COL15A1: variants seen among roughly 807,000 people sequenced by gnomAD.
The protein encoded by COL15A1 is collagen type XV alpha 1 chain.
A neutral mutation model predicts 165.9 loss-of-function variants in COL15A1; 111 were observed. The observed-to-expected ratio is 0.67, with a 90% CI of 0.57 to 0.78. COL15A1 has a LOEUF of 0.78. Ranked by LOEUF, COL15A1 falls within the 30% of genes least tolerant of loss-of-function variation. COL15A1 has a pLI of 0.00. For synonymous variants in COL15A1, 659 were observed against 674.8 expected (o/e 0.98, Z 0.36); for missense variants, 1,745 against 1,789.7 (o/e 0.98, Z 0.45).
chr9:98,996,587 TA>T (rs1052045133), intron 5 of COL15A1, among the ~76,000 whole-genome samples: 1 of 152,260 alleles, frequency 6.6e-6, no homozygotes, highest in Non-Finnish European at 1.5e-5. Context: ...ATTTGTTCAC[TA>T]ATTCATTCAA....
intron 7 of COL15A1, among the ~76,000 whole-genome samples, chr9:99,001,439 A>G (rs1588509591): frequency 6.6e-6 from 1 of 152,188 alleles, no homozygotes; most frequent in East Asian, 1.9e-4. Context: ...GAAAACCCAC[A>G]ACGCCAGCTC....
intron 9 of COL15A1, among the ~76,000 whole-genome samples, chr9:99,013,294 C>G (rs1838875533): frequency 6.6e-6 from 1 of 152,088 alleles, no homozygotes; most frequent in Non-Finnish European, 1.5e-5. Flanking sequence ...GGGGGGTCAA[C>G]CCCCCAAGAC....
At chr9:98,949,696 A>C (rs1306581356) in intron 2 of COL15A1, among the ~76,000 whole-genome samples, 1 of 152,236 alleles carries the variant, frequency 6.6e-6, no homozygotes, top group African/African-American at 2.4e-5. Flanking sequence ...TGAAATTTAC[A>C]TTATATAACA....
At position 99,067,051 on chromosome 9, in the gene COL15A1, C is replaced by A. The variant is rs1402049229; in HGVS notation, c.3821C>A (p.Pro1274His). The A allele has an allele frequency of 6.2e-7, 1 of 1,613,328 alleles. No individual in the cohort carries two copies. The highest frequency in any genetic ancestry group is 1.7e-5 in the Admixed American group (1 of 59,880). Residue 1274 changes from proline to histidine, a missense_variant, in exon 40 of 42, where the codon CCC becomes CAC. By Grantham distance (77) the Pro-to-His change is moderately conservative. Coordinates refer to ENST00000375001, the MANE Select transcript of COL15A1 (RefSeq NM_001855.5). ...AGGAAAGCAGAGAGATACAGCCTTCCCATAGTGAACCTCAAGGTAAAAATA... is the reference window on the plus strand; with the variant it reads ...AGGAAAGCAGAGAGATACAGCCTTCACATAGTGAACCTCAAGGTAAAAATA... ...IVRKAERYSL[P>H]IVNLKGQVLF...
intron 6 of COL15A1, among the ~76,000 whole-genome samples, chr9:99,000,147 G>A (rs1019963187): frequency 1.3e-5 from 2 of 152,104 alleles, no homozygotes; most frequent in South Asian, 2.1e-4. Context: ...CTGGGATTCC[G>A]GGCTGCTTTT....
rs1338361138 is a variant in COL15A1, at chr9:99,054,639, G to A, written c.3014G>A (p.Gly1005Glu). ...TCAAAGGGAGAAAAAGGCGACCAGG[G>A]AGCCCAGGGACCACCAGGTATTCCA... The part of the protein sequence containing the change: ...PGSKGEKGDQ[G>E]AQGPPGPPLD... The change falls in exon 32 of 42, where the codon GGA becomes GAA. Residue 1005 changes from glycine to glutamate, a missense_variant. Coordinates refer to ENST00000375001, the MANE Select transcript of COL15A1 (RefSeq NM_001855.5). 3 of 1,612,690 alleles carry A rather than the reference G, an allele frequency of 1.9e-6. No individual in the cohort carries two copies. Among genetic ancestry groups the A allele is most frequent in the Non-Finnish European group, 2.5e-6 (3 of 1,179,590 alleles).
chr9:98,962,338 T>C (rs902921693), intron 2 of COL15A1, among the ~76,000 whole-genome samples: 2 of 152,180 alleles, frequency 1.3e-5, no homozygotes, highest in Non-Finnish European at 2.9e-5. Flanking sequence ...GCCTCTCCTG[T>C]CCAAGCCATT....
intron 2 of COL15A1, among the ~76,000 whole-genome samples, chr9:98,960,484 C>T (rs949684748): frequency 1.3e-5 from 2 of 152,202 alleles, no homozygotes; most frequent in African/African-American, 4.8e-5. Flanking sequence ...TCTAGACCCA[C>T]AGCATCAGAT....
intron 18 of COL15A1, 87 bp from the exon 19 acceptor site, chr9:99,035,263 G>A: frequency 6.2e-7 from 1 of 1,605,570 alleles, no homozygotes; most frequent in Non-Finnish European, 8.5e-7. Flanking sequence ...GGATTCCCCT[G>A]TGAGCCGCCA....
In COL15A1 at chr9:99,049,890, A is replaced by G. The variant is rs1450612501; in HGVS notation, c.2899A>G (p.Met967Val). 6.2e-7 allele frequency: 1 copy of G among 1,614,258 alleles called. No individual in the cohort carries two copies. The change falls in exon 30 of 42, where the codon ATG becomes GTG. Residue 967 changes from methionine (M) to valine (V), a missense_variant. Met to Val is a conservative substitution (Grantham distance 21, BLOSUM62 1). Transcript: ENST00000375001. ...FPIPVRPHCKMPVDTAHPGSP... is the reference protein window; with the variant it reads ...FPIPVRPHCKVPVDTAHPGSP... The stretch of plus-strand genomic sequence containing the variant: ...AATACCCGTCCGACCACACTGCAAA[A>G]TGCCAGTAAGTAGCAATCACTGCCT...
At chr9:99,018,121 G>C (rs1231741381) in intron 11 of COL15A1, among the ~76,000 whole-genome samples, 2 of 152,174 alleles carry the variant, frequency 1.3e-5, no homozygotes, top group Admixed American at 6.5e-5. Context: ...GTATCACGAT[G>C]CATCTAACAA....
chr9:98,987,827 G>C (rs371530989), intron 4 of COL15A1, among the ~76,000 whole-genome samples: 40 of 152,322 alleles, frequency 2.6e-4, no homozygotes, highest in African/African-American at 9.4e-4. Flanking sequence ...CTGAGCACCT[G>C]CTGGGTGCCA....
chr9:99,036,281 AT>A (rs1160106595), intron 20 of COL15A1, 31 bp from the exon 21 acceptor site: 15 of 1,613,718 alleles, frequency 9.3e-6, no homozygotes, highest in African/African-American at 1.3e-5. Context: ...TGTACAGTGA[AT>A]TTTTTTCTCA....
At chr9:99,010,567 G>A (rs73503727) in intron 9 of COL15A1, among the ~76,000 whole-genome samples, 5,272 of 152,236 alleles carry the variant, frequency 0.035, 286 homozygotes, top group African/African-American at 0.12. Context: ...AGATGTTGCA[G>A]TAGATAACCT....
intron 5 of COL15A1, among the ~76,000 whole-genome samples, chr9:98,995,280 G>A (rs965413534): frequency 6.6e-6 from 1 of 152,030 alleles, no homozygotes; most frequent in Non-Finnish European, 1.5e-5. Context: ...CCCTGGGGAG[G>A]TGCCTGCTGT....
intron 24 of COL15A1, 128 bp downstream of exon 24, chr9:99,042,235 C>T (rs1839419048): frequency 1.5e-6 from 1 of 666,042 alleles, no homozygotes; most frequent in African/African-American, 1.8e-5. Flanking sequence ...AAATTCACCC[C>T]TTTAAATTGT....
Position 99,044,722 on chromosome 9 carries a change from C to A in COL15A1, c.2644-13C>A. ...GTCCCAAACAGTGACAAGTATATATCTTCCTGTTTTAGGGTGAACCTGGAA... is the reference window on the plus strand; with the variant it reads ...GTCCCAAACAGTGACAAGTATATATATTCCTGTTTTAGGGTGAACCTGGAA... On this transcript the variant is annotated splice_polypyrimidine_tract_variant and intron_variant, in intron 25 of 41. Coordinates refer to ENST00000375001, the MANE Select transcript of COL15A1 (RefSeq NM_001855.5). 2 of 1,613,458 alleles carry A rather than the reference C, an allele frequency of 1.2e-6. No homozygotes were observed.
At chr9:98,968,978 C>T (rs1837999751) in intron 2 of COL15A1, among the ~76,000 whole-genome samples, 1 of 152,190 alleles carries the variant, frequency 6.6e-6, no homozygotes, top group Admixed American at 6.5e-5. Flanking sequence ...GAAAAAAACG[C>T]CAATCCCAGC....
intron 9 of COL15A1, among the ~76,000 whole-genome samples, chr9:99,006,620 TCTC>T (rs1454009257): frequency 2.7e-5 from 4 of 150,570 alleles, no homozygotes; most frequent in African/African-American, 9.7e-5. Context: ...GCTGTCTCCT[TCTC>T]CTTCTTCTTC....
Sources: allele counts gnomAD v4.1 joint callset (sites outside exome capture counted in the v4.1 genomes callset), GRCh38; gene constraint gnomAD v4.1.1; transcripts MANE v1.5; gene names NCBI Gene and HGNC (gene_info 2026-07-23, HGNC 2026-07-21).